TRMT44: variants seen among roughly 807,000 people sequenced by gnomAD.
TRMT44 encodes the protein probable tRNA (uracil-O(2)-)-methyltransferase.
Under a neutral mutation model 77.3 loss-of-function variants are expected in TRMT44, and 78 were observed. The observed-to-expected ratio is 1.01, with a 90% CI of 0.84 to 1.22. TRMT44 has a LOEUF of 1.22. TRMT44 is among the 50% of genes most tolerant of loss of function. The probability of loss-of-function intolerance (pLI) is 0.00; values close to 1 mark genes in which losing one functional copy is unlikely to be tolerated. For synonymous variants in TRMT44, 391 were observed against 383.3 expected (o/e 1.02, Z -0.23); for missense variants, 1,090 against 964.4 (o/e 1.13, Z -1.73).
chr4:8,509,133 T>C, the TRMT44 span: 1 of 152,028 alleles, frequency 6.6e-6, no homozygotes, highest in Non-Finnish European at 1.5e-5. Context: ...CATCAGGACA[T>C]TCATTGCAAG....
rs1044479378 is a variant in TRMT44, at chr4:8,452,817, G to A, written c.1024-65G>A. 1.1e-6 allele frequency: 1 copy of A among 876,826 alleles called. No homozygotes were observed. Among genetic ancestry groups the A allele is most frequent in the Non-Finnish European group, 1.7e-6 (1 of 586,696 alleles). 54.3% of individuals were successfully genotyped at this position (876,826 alleles called of 1,614,324 possible). On this transcript the variant is annotated intron_variant, in intron 4 of 10. Coordinates refer to ENST00000389737, the MANE Select transcript of TRMT44 (RefSeq NM_152544.3). This position sits in a 1 kb window ranked among gnomAD's most constrained non-coding sequence, Gnocchi z 5.7. ...TCAGAGTTTTCTTTGACCAGTTTGT[G>A]TCTAAATTATTCTTGCGTAGAGTGA...
intron 1 of TRMT44, among the ~76,000 whole-genome samples, chr4:8,443,222 T>A (rs913265175): frequency 5.9e-5 from 9 of 152,280 alleles, no homozygotes; most frequent in African/African-American, 1.9e-4. Context: ...ATCTTAACCA[T>A]TTTACGTTGT....
rs866073752 is a variant in TRMT44, at chr4:8,476,186, C to G, written c.*185C>G. ...TCACACGCCAGAGAAGCCACAGTTA[C>G]TCGGAAGCCCCCAGCTGACTGCCTG... On this transcript the variant is annotated 3_prime_UTR_variant, in exon 11 of 11. Coordinates refer to ENST00000389737, the MANE Select transcript of TRMT44 (RefSeq NM_152544.3). 1 of 623,330 alleles carries G rather than the reference C, an allele frequency of 1.6e-6. No individual in the cohort carries two copies. 38.6% of individuals were successfully genotyped at this position (623,330 alleles called of 1,614,324 possible).
intron 2 of TRMT44, among the ~76,000 whole-genome samples, chr4:8,483,762 G>A (rs185804488): frequency 3.7e-3 from 556 of 152,312 alleles, no homozygotes; most frequent in Non-Finnish European, 5.0e-3. Flanking sequence ...ATAGAGGTGG[G>A]AAGGCCAAAC....
intron 3 of TRMT44, 56 bp downstream of exon 3, chr4:8,449,944 CTTTTCTTTTTTTTTTTTTTT>C (rs1340847811): frequency 5.3e-6 from 2 of 376,692 alleles, no homozygotes; most frequent in Non-Finnish European, 7.6e-6. Context: ...CTTTTCTTTT[CTTTTCTTTTTTTTTTTTTTT>C]TTTTTTTTTT....
downstream of TRMT44, chr4:8,479,020 C>G (rs768141205): frequency 3.9e-5 from 6 of 152,412 alleles, no homozygotes; most frequent in East Asian, 1.2e-3. Context: ...TGGGGTCTGT[C>G]GGGGTTGGCA....
chr4:8,475,992 G>A lies in TRMT44; in HGVS notation c.2265G>A (p.Lys755=). The A allele has an allele frequency of 6.2e-7, 1 of 1,613,776 alleles. No individual in the cohort carries two copies. The highest frequency in any genetic ancestry group is 8.5e-7 in the Non-Finnish European group (1 of 1,179,936). Residue 755 remains lysine, a synonymous_variant, in exon 11 of 11, where the codon AAG becomes AAA. Coordinates refer to ENST00000389737, the MANE Select transcript of TRMT44 (RefSeq NM_152544.3). ...CACCCCGGACCACCCCGAGGAAGAAGATTTCATGAGCTGCATCCTTGCCAG... is the reference window on the plus strand; with the variant it reads ...CACCCCGGACCACCCCGAGGAAGAAAATTTCATGAGCTGCATCCTTGCCAG... The part of the protein sequence containing the change: ...LRPPRTTPRK[K]IS
At chr4:8,466,877 GGT>G (rs2109159409) in intron 8 of TRMT44, among the ~76,000 whole-genome samples, 2 of 152,290 alleles carry the variant, frequency 1.3e-5, no homozygotes, top group African/African-American at 4.8e-5. Context: ...GTGGGGACTG[GGT>G]GTGTGACAGG....
At chr4:8,487,542 C>T (rs918672288) in intron 2 of TRMT44, among the ~76,000 whole-genome samples, 15 of 148,706 alleles carry the variant, frequency 1.0e-4, no homozygotes, top group East Asian at 5.9e-4. Flanking sequence ...GGTAAGAGGT[C>T]GGGCCATGGA....
At chr4:8,474,266 C>T (rs763655789) in intron 10 of TRMT44, among the ~76,000 whole-genome samples, 1 of 152,226 alleles carries the variant, frequency 6.6e-6, no homozygotes, top group South Asian at 2.1e-4. Flanking sequence ...TTAGAGGGTT[C>T]CAGGTCCCTC....
downstream of TRMT44, among the ~76,000 whole-genome samples, chr4:8,498,502 G>A (rs1029790812): frequency 2.0e-5 from 3 of 152,224 alleles, no homozygotes; most frequent in African/African-American, 7.2e-5. This position sits in a 1 kb window ranked among gnomAD's most constrained non-coding sequence, Gnocchi z 4.3. Flanking sequence ...AAGGCAAAGG[G>A]AAAGCAGGCA....
In TRMT44 at chr4:8,486,627, C is replaced by T. The variant is rs1006970235; in HGVS notation, n.3892-6639C>T. Among the ~76,000 whole-genome samples, 260 of 151,718 alleles carry T rather than the reference C, an allele frequency of 1.7e-3. 1 individual carries two copies. Among genetic ancestry groups the T allele is most frequent in the African/African-American group, 5.8e-3 (239 of 41,348 alleles). ...AAAGCGTCTCGGGGTTGCTGCCAAA[C>T]GAGCCGTGAACTGGGCTGGGTTTTT... On this transcript the variant is annotated intron_variant and non_coding_transcript_variant, in intron 2 of 2. Coordinates refer to the TRMT44 transcript ENST00000511366.
At chr4:8,468,658 C>T (rs1726772267) in intron 9 of TRMT44, 1 of 545,352 alleles carries the variant, frequency 1.8e-6, no homozygotes. Context: ...AAAGAGAAAA[C>T]AGGTTACTGA....
At chr4:8,478,174 C>G (rs917348723), downstream of TRMT44, 7 of 152,796 alleles carry the variant, frequency 4.6e-5, no homozygotes, top group African/African-American at 1.7e-4. Flanking sequence ...GACTCCAAAC[C>G]TGGCTCTGGA....
chr4:8,484,423 G>A (rs937728208), intron 2 of TRMT44, among the ~76,000 whole-genome samples: 3 of 152,184 alleles, frequency 2.0e-5, no homozygotes, highest in Non-Finnish European at 4.4e-5. Context: ...TATGAGAGCT[G>A]TAGAGAGTGA....
At chr4:8,515,665 G>C in the TRMT44 span, among the ~76,000 whole-genome samples, 3 of 152,166 alleles carry the variant, frequency 2.0e-5, no homozygotes, top group Admixed American at 6.5e-5. Flanking sequence ...GGGAGCAGAG[G>C]CTGGGCTAGG....
At chr4:8,505,785 G>T in the TRMT44 span, among the ~76,000 whole-genome samples, 2 of 152,212 alleles carry the variant, frequency 1.3e-5, no homozygotes, top group African/African-American at 2.4e-5. Context: ...GGTGGGAGGT[G>T]ATTGGATCAC....
chr4:8,496,931 C>A (rs1470046775), downstream of TRMT44, among the ~76,000 whole-genome samples: 1 of 152,066 alleles, frequency 6.6e-6, no homozygotes, highest in Non-Finnish European at 1.5e-5. Context: ...GCTTACCTCT[C>A]ACTTATTCTG....
chr4:8,482,962 T>G (rs188074498), intron 2 of TRMT44, among the ~76,000 whole-genome samples: 3,537 of 150,302 alleles, frequency 0.024, 77 homozygotes, highest in African/African-American at 0.057. Context: ...CTGCTTCGAG[T>G]GGGATGAGGG....
Sources: allele counts gnomAD v4.1 joint callset (sites outside exome capture counted in the v4.1 genomes callset), GRCh38; gene constraint gnomAD v4.1.1; non-coding constraint Gnocchi (gnomAD v3.1); transcripts MANE v1.5; gene names NCBI Gene and HGNC (gene_info 2026-07-23, HGNC 2026-07-21).